TENT2: variants seen among roughly 807,000 people sequenced by gnomAD.
TENT2 encodes the protein poly(A) RNA polymerase GLD2.
A neutral mutation model predicts 72.2 loss-of-function variants in TENT2; 44 were observed. The ratio of observed to expected loss-of-function variants is 0.61; its 90% CI spans 0.48 to 0.78. The LOEUF is 0.78. Ranked by LOEUF, TENT2 falls within the 30% of genes least tolerant of loss-of-function variation. TENT2 has a pLI of 0.00. For synonymous variants in TENT2, 212 were observed against 192.5 expected (o/e 1.10, Z -0.84); for missense variants, 541 against 569.6 (o/e 0.95, Z 0.51).
At chr5:79,619,082 C>A (rs73119771) in intron 1 of TENT2, among the ~76,000 whole-genome samples, 2 of 152,124 alleles carry the variant, frequency 1.3e-5, no homozygotes, top group Admixed American at 1.3e-4. Flanking sequence ...TTTCCCTATT[C>A]CTGTGGAACA....
chr5:79,670,226 A>G (rs544788062), intron 12 of TENT2, among the ~76,000 whole-genome samples: 2 of 152,152 alleles, frequency 1.3e-5, no homozygotes, highest in South Asian at 4.2e-4. Context: ...TCTCAAAAAA[A>G]AAAAAAGAAA....
intron 13 of TENT2, among the ~76,000 whole-genome samples, chr5:79,681,151 T>A (rs1255739320): frequency 3.6e-4 from 25 of 68,724 alleles, no homozygotes; most frequent in Non-Finnish European, 5.4e-4. Context: ...TTTTCTTTGA[T>A]TTTTTTTTTT....
chr5:79,629,853 G>A (rs945543483), intron 4 of TENT2, among the ~76,000 whole-genome samples: 1 of 151,166 alleles, frequency 6.6e-6, no homozygotes, highest in African/African-American at 2.4e-5. Flanking sequence ...CCATACATAG[G>A]CCGGGCACAG....
intron 12 of TENT2, among the ~76,000 whole-genome samples, chr5:79,676,789 T>G (rs1817683979): frequency 1.3e-5 from 2 of 152,210 alleles, no homozygotes; most frequent in East Asian, 1.9e-4. Flanking sequence ...ATCTCTCTTG[T>G]GTAGATTCTG....
intron 12 of TENT2, among the ~76,000 whole-genome samples, chr5:79,672,416 A>G (rs1050398729): frequency 3.8e-4 from 57 of 151,960 alleles, no homozygotes; most frequent in Admixed American, 1.0e-3. Flanking sequence ...TATTCGTTCT[A>G]TTTTCTTGTA....
chr5:79,666,816 T>A (rs1035937405), intron 11 of TENT2, among the ~76,000 whole-genome samples: 1 of 152,138 alleles, frequency 6.6e-6, no homozygotes, highest in African/African-American at 2.4e-5. Context: ...GATTGATCCT[T>A]CTGCCTTGGC....
chr5:79,645,844 AAC>A (rs749453756), intron 8 of TENT2, among the ~76,000 whole-genome samples: 33 of 98,866 alleles, frequency 3.3e-4, no homozygotes, highest in African/African-American at 1.0e-3. Context: ...TGTGCCCACA[AAC>A]ACACACACAC....
chr5:79,638,577 T>C (rs1391518033), intron 4 of TENT2, among the ~76,000 whole-genome samples: 2 of 152,202 alleles, frequency 1.3e-5, no homozygotes, highest in Non-Finnish European at 2.9e-5. Context: ...GGTACATTGA[T>C]GTGGGCTGCT....
At chr5:79,651,155 ATTTTTTCTGGCTTTTG>A (rs1188870496) in intron 10 of TENT2, among the ~76,000 whole-genome samples, 1 of 151,794 alleles carries the variant, frequency 6.6e-6, no homozygotes, top group Non-Finnish European at 1.5e-5. Context: ...TATTTGTTTT[ATTTTTTCTGGCTTTTG>A]TTTTTTTTGC....
At chr5:79,620,224 A>G in intron 3 of TENT2, 141 bp downstream of exon 3, 2 of 505,480 alleles carry the variant, frequency 4.0e-6, no homozygotes, top group Non-Finnish European at 7.0e-6. Context: ...GAGTCATGGA[A>G]TTTTAACATT....
At position 79,642,851 on chromosome 5, in the gene TENT2, A is replaced by G; in HGVS notation, c.692A>G (p.Gln231Arg). The G allele has an allele frequency of 1.2e-6, 2 of 1,611,300 alleles. No individual in the cohort carries two copies. Among genetic ancestry groups the G allele is most frequent in the Non-Finnish European group, 1.7e-6 (2 of 1,178,870 alleles). The part of the protein sequence containing the change: ...KEEPCFFQVN[Q>R]KTEARHILTL... ...TTTCAGTGTTTTTTTCAGGTAAATCAGAAGACTGAAGCACGGCATATACTC... is the reference window on the plus strand; with the variant it reads ...TTTCAGTGTTTTTTTCAGGTAAATCGGAAGACTGAAGCACGGCATATACTC... Residue 231 changes from glutamine (Q) to arginine (R), a missense_variant, in exon 7 of 15, where the codon CAG (glutamine) becomes CGG (arginine). Gln to Arg is a conservative substitution (Grantham distance 43). Coordinates refer to ENST00000453514, the MANE Select transcript of TENT2 (RefSeq NM_001114394.3).
At chr5:79,656,606 T>C (rs1242902447) in intron 10 of TENT2, among the ~76,000 whole-genome samples, 2 of 152,028 alleles carry the variant, frequency 1.3e-5, no homozygotes, top group African/African-American at 4.8e-5. Flanking sequence ...ATCTTAATAA[T>C]GTCTATTCAG....
intron 10 of TENT2, among the ~76,000 whole-genome samples, chr5:79,654,019 A>AT (rs1167268688): frequency 4.6e-5 from 7 of 152,256 alleles, no homozygotes; most frequent in African/African-American, 1.2e-4. Context: ...GGTTAAAAAG[A>AT]TTAACACATT....
chr5:79,659,057 C>G (rs1402626086), intron 11 of TENT2, among the ~76,000 whole-genome samples: 2 of 152,154 alleles, frequency 1.3e-5, no homozygotes, highest in African/African-American at 2.4e-5. Flanking sequence ...CATATGGTTA[C>G]ATTGCCATCA....
chr5:79,650,315 T>G (rs1792798420), intron 10 of TENT2, among the ~76,000 whole-genome samples: 1 of 152,136 alleles, frequency 6.6e-6, no homozygotes, highest in South Asian at 2.1e-4. Flanking sequence ...AATTACCTTC[T>G]TCATGAAGCT....
chr5:79,682,063 TAAAC>T lies in TENT2; in HGVS notation c.1380+5_1380+8del, dbSNP rs750045350. The stretch of plus-strand genomic sequence containing the variant: ...ATGATCAAGGATCAATTTTTAAAGG[TAAAC>T]AATGCATTAGATCAACCCTAGAAAC... On this transcript the variant is annotated splice_donor_5th_base_variant and intron_variant, in intron 14 of 14. Transcript: ENST00000453514. 2.5e-6 allele frequency: 4 copies of T among 1,606,454 alleles called. No homozygotes were observed. Among genetic ancestry groups the T allele is most frequent in the Non-Finnish European group, 3.4e-6 (4 of 1,173,912 alleles).
In TENT2 at chr5:79,687,264, A is replaced by T. The variant is rs1297663723; in HGVS notation, c.*1991A>T. Reference sequence around the variant, plus strand: ...AATATCAGATAAGTGAACTGTTAATATATGAGAGAATTTTCTGGACTTTTA... The same window carrying T: ...AATATCAGATAAGTGAACTGTTAATTTATGAGAGAATTTTCTGGACTTTTA... On this transcript the variant is annotated 3_prime_UTR_variant, in exon 15 of 15. Transcript: ENST00000453514. Among the ~76,000 whole-genome samples, 1 of 152,202 alleles carries T rather than the reference A, an allele frequency of 6.6e-6. No homozygotes were observed. The highest frequency in any genetic ancestry group is 1.5e-5 in the Non-Finnish European group (1 of 68,030).
intron 14 of TENT2, among the ~76,000 whole-genome samples, chr5:79,683,144 C>T (rs914552331): frequency 2.0e-5 from 3 of 151,830 alleles, no homozygotes; most frequent in Admixed American, 1.3e-4. Context: ...GAGACTCCAC[C>T]TCTAAAAAAA....
At chr5:79,671,772 T>G (rs1580623763) in intron 12 of TENT2, among the ~76,000 whole-genome samples, 1 of 152,102 alleles carries the variant, frequency 6.6e-6, no homozygotes, top group Non-Finnish European at 1.5e-5. Context: ...GAGTATATGG[T>G]ATAAATGTTG....
Sources: gnomAD v4.1 joint callset for allele counts (sites outside exome capture counted in the v4.1 genomes callset) on GRCh38, gnomAD v4.1.1 for gene constraint, MANE v1.5 for transcripts, NCBI Gene and HGNC (gene_info 2026-07-23, HGNC 2026-07-21) for gene names.